The following ROCK2 variants were observed in gnomAD, a reference collection of about 807,000 sequenced individuals.
The protein encoded by ROCK2 is Rho associated coiled-coil containing protein kinase 2, also known as rho-associated protein kinase 2.
ROCK2 carries 61 observed loss-of-function variants against 195.1 expected under a neutral mutation model. The observed-to-expected ratio is 0.31, with a 90% CI of 0.25 to 0.39. The LOEUF (loss-of-function observed/expected upper bound fraction) is 0.39. Ranked by LOEUF, ROCK2 falls within the 10% of genes least tolerant of loss-of-function variation. The pLI is 1.00. For synonymous variants in ROCK2, 504 were observed against 545.5 expected (o/e 0.92, Z 1.06); for missense variants, 1,109 against 1,637.4 (o/e 0.68, Z 5.57).
intron 3 of ROCK2, among the ~76,000 whole-genome samples, chr2:11,274,901 C>T (rs1271902121): frequency 2.6e-5 from 4 of 152,052 alleles, no homozygotes; most frequent in African/African-American, 9.7e-5. Flanking sequence ...TATGTTTTTT[C>T]CTATACATAC....
chr2:11,300,991 T>G (rs1232544568), intron 1 of ROCK2, among the ~76,000 whole-genome samples: 1 of 152,208 alleles, frequency 6.6e-6, no homozygotes, highest in African/African-American at 2.4e-5. Context: ...AAAAAAAACT[T>G]ATGATAGTTC....
intron 1 of ROCK2, among the ~76,000 whole-genome samples, chr2:11,309,350 T>C (rs1192093434): frequency 2.0e-5 from 3 of 152,296 alleles, no homozygotes; most frequent in East Asian, 1.9e-4. Context: ...CTAGAGGTCC[T>C]AGAACCAGTC....
chr2:11,249,818 C>T lies in ROCK2; in HGVS notation c.325-20G>A. 6.8e-7 allele frequency: 1 copy of T among 1,466,536 alleles called. No homozygotes were observed. The highest frequency in any genetic ancestry group is 1.7e-5 in the South Asian group (1 of 59,898). The allele number at this position is 1,466,536 out of a possible 1,614,324, so 90.8% of individuals were successfully genotyped here. A position where few individuals can be genotyped will look rare whatever the true frequency, so the allele number is the denominator to read the frequency against. On this transcript the variant is annotated intron_variant, in intron 3 of 32. Coordinates refer to ENST00000315872, the MANE Select transcript of ROCK2 (RefSeq NM_004850.5). ...ACGAACCTGTTGATTTTTGAAAACA[C>T]AAAAATTAATACTTTCATGTTATGA...
At chr2:11,198,858 G>C in intron 23 of ROCK2, 84 bp from the exon 24 acceptor site, 2 of 756,476 alleles carry the variant, frequency 2.6e-6, no homozygotes, top group Non-Finnish European at 4.3e-6. Flanking sequence ...AAACATCCTA[G>C]AATATTGTTA....
At chr2:11,292,157 A>T (rs998317296) in intron 1 of ROCK2, among the ~76,000 whole-genome samples, 10 of 151,366 alleles carry the variant, frequency 6.6e-5, no homozygotes, top group Non-Finnish European at 1.0e-4. Flanking sequence ...ATACCGTATT[A>T]AAAAAAAAGT....
chr2:11,331,139 T>C (rs1236991255), intron 1 of ROCK2, among the ~76,000 whole-genome samples: 1 of 152,144 alleles, frequency 6.6e-6, no homozygotes, highest in African/African-American at 2.4e-5. Flanking sequence ...TTATCTTTAA[T>C]AAAAACTCAA....
chr2:11,218,423 GT>G, intron 11 of ROCK2, 31 bp downstream of exon 11: 1 of 1,544,392 alleles, frequency 6.5e-7, no homozygotes, highest in Non-Finnish European at 8.8e-7. Flanking sequence ...GCTTTTCTCA[GT>G]TTTTCAATAT....
chr2:11,329,715 G>A (rs1352676942), intron 1 of ROCK2, among the ~76,000 whole-genome samples: 3 of 146,726 alleles, frequency 2.0e-5, no homozygotes, highest in Non-Finnish European at 4.5e-5. Flanking sequence ...AAAAAAAATT[G>A]CTTGCAGCAG....
intron 4 of ROCK2, among the ~76,000 whole-genome samples, chr2:11,244,561 T>C (rs1665545455): frequency 6.6e-6 from 1 of 151,716 alleles, no homozygotes; most frequent in South Asian, 2.1e-4. Flanking sequence ...AGGCCAGGAG[T>C]TCGAGACCAG....
At chr2:11,239,672 G>A (rs1665354491) in intron 4 of ROCK2, among the ~76,000 whole-genome samples, 2 of 152,164 alleles carry the variant, frequency 1.3e-5, no homozygotes, top group Non-Finnish European at 2.9e-5. Flanking sequence ...GAGTACATCT[G>A]TATACCGTTT....
chr2:11,221,160 T>C, intron 9 of ROCK2, 38 bp downstream of exon 9: 4 of 1,451,032 alleles, frequency 2.8e-6, no homozygotes, highest in Non-Finnish European at 3.7e-6. Context: ...AGCTAGATTC[T>C]AAAAACAGTA....
At chr2:11,210,408 C>A (rs1229407917) in intron 18 of ROCK2, among the ~76,000 whole-genome samples, 1 of 151,780 alleles carries the variant, frequency 6.6e-6, no homozygotes, top group African/African-American at 2.4e-5. Flanking sequence ...CAGCCTTGAA[C>A]TCCTGGGCTC....
Position 11,215,808 on chromosome 2 carries a change from C to T in ROCK2, c.1462-163G>A, listed in dbSNP as rs556725497. On this transcript the variant is annotated intron_variant, in intron 13 of 32. Transcript: ENST00000315872. ...CTTTCTATGATTGTAAACTAGCACA[C>T]TACTCTTAAATCATAAAGACCGTAA... is the stretch of plus-strand genomic sequence containing the variant. Among the ~76,000 whole-genome samples the T allele has an allele frequency of 5.3e-5, 8 of 152,328 alleles. No individual in the cohort carries two copies. In the East Asian group the frequency reaches 1.5e-3, roughly 29 times the overall value.
At chr2:11,188,908 T>C (rs1212808069) in intron 32 of ROCK2, among the ~76,000 whole-genome samples, 1 of 151,828 alleles carries the variant, frequency 6.6e-6, no homozygotes, top group Non-Finnish European at 1.5e-5. Flanking sequence ...GTAGGGTGCA[T>C]GTCTGTAATC....
At chr2:11,268,521 A>AGTGTGT (rs1558343608) in intron 3 of ROCK2, among the ~76,000 whole-genome samples, 5 of 73,764 alleles carry the variant, frequency 6.8e-5, no homozygotes, top group African/African-American at 2.5e-4. Flanking sequence ...ACAGTTTTGC[A>AGTGTGT]CTGTGTGTGT....
chr2:11,218,133 G>T, intron 11 of ROCK2: 1 of 210,120 alleles, frequency 4.8e-6, no homozygotes, highest in Non-Finnish European at 9.4e-6. Flanking sequence ...AAATATACAG[G>T]CTAATGAACT....
At chr2:11,221,621 G>A (rs1664640589) in intron 8 of ROCK2, among the ~76,000 whole-genome samples, 1 of 152,034 alleles carries the variant, frequency 6.6e-6, no homozygotes, top group Admixed American at 6.6e-5. Flanking sequence ...AGAATTTAGA[G>A]ACCTCCATTT....
intron 3 of ROCK2, among the ~76,000 whole-genome samples, chr2:11,273,043 T>C (rs1666697992): frequency 2.2e-5 from 1 of 45,750 alleles, no homozygotes; most frequent in Non-Finnish European, 4.5e-5. Flanking sequence ...CATACCACTA[T>C]AAGAAAATGA....
intron 1 of ROCK2, among the ~76,000 whole-genome samples, chr2:11,329,623 T>C (rs1324209358): frequency 6.6e-6 from 1 of 152,022 alleles, no homozygotes; most frequent in Non-Finnish European, 1.5e-5. Context: ...TCTCCTATTA[T>C]GGAAATGTCT....
Sources: allele counts gnomAD v4.1 joint callset (sites outside exome capture counted in the v4.1 genomes callset), GRCh38; gene constraint gnomAD v4.1.1; transcripts MANE v1.5; gene names NCBI Gene and HGNC (gene_info 2026-07-23, HGNC 2026-07-21).